PTPRM: variants seen among roughly 807,000 people sequenced by gnomAD.
The protein encoded by PTPRM is receptor-type tyrosine-protein phosphatase mu.
In PTPRM, 47 loss-of-function variants were observed where a neutral mutation model predicts 186.7. The observed-to-expected ratio is 0.25, with a 90% CI of 0.20 to 0.32. The LOEUF is 0.32. Ranked by LOEUF, PTPRM falls within the 10% of genes least tolerant of loss-of-function variation. The pLI, the probability that PTPRM is intolerant of heterozygous loss-of-function variation, is 1.00. For missense variants in PTPRM, 1,494 were observed against 1,865.0 expected (o/e 0.80, Z 3.66); for synonymous variants, 668 against 674.9 (o/e 0.99, Z 0.16).
At chr18:7,737,471 C>T (rs532311040) in intron 1 of PTPRM, among the ~76,000 whole-genome samples, 4 of 152,304 alleles carry the variant, frequency 2.6e-5, no homozygotes, top group Admixed American at 2.0e-4. Context: ...TGTAATCTTC[C>T]GTCTACCTGT....
At chr18:7,898,329 C>T (rs889968523) in intron 3 of PTPRM, among the ~76,000 whole-genome samples, 1 of 152,188 alleles carries the variant, frequency 6.6e-6, no homozygotes, top group African/African-American at 2.4e-5. Flanking sequence ...TCCACCAGCA[C>T]ATTTTCCTTG....
At chr18:8,176,017 T>C (rs963615733) in intron 14 of PTPRM, among the ~76,000 whole-genome samples, 2 of 152,200 alleles carry the variant, frequency 1.3e-5, no homozygotes, top group Admixed American at 1.3e-4. Context: ...TTTTAAGAGT[T>C]AAAGGCTTTG....
chr18:7,991,254 A>G (rs1003785271), intron 7 of PTPRM, among the ~76,000 whole-genome samples: 1 of 152,170 alleles, frequency 6.6e-6, no homozygotes, highest in South Asian at 2.1e-4. Flanking sequence ...ATAATGCAAA[A>G]TAGGGGATGT....
At chr18:8,138,897 C>CAAACTCTT (rs2092699852) in intron 13 of PTPRM, among the ~76,000 whole-genome samples, 2 of 152,118 alleles carry the variant, frequency 1.3e-5, no homozygotes, top group African/African-American at 4.8e-5. Context: ...CTGCTCCGTG[C>CAAACTCTT]GGATGCTCCC....
intron 1 of PTPRM, among the ~76,000 whole-genome samples, chr18:7,614,817 T>C (rs1047088783): frequency 6.6e-6 from 1 of 152,172 alleles, no homozygotes; most frequent in African/African-American, 2.4e-5. Flanking sequence ...GCTTTTTGCA[T>C]GGGCTTAAAG....
At chr18:7,651,969 C>T (rs372217642) in intron 1 of PTPRM, among the ~76,000 whole-genome samples, 3 of 151,980 alleles carry the variant, frequency 2.0e-5, no homozygotes, top group Non-Finnish European at 2.9e-5. Context: ...ACAGGCAACC[C>T]ACAAAATGGG....
At chr18:8,258,114 C>T (rs991800435) in intron 19 of PTPRM, among the ~76,000 whole-genome samples, 2 of 152,180 alleles carry the variant, frequency 1.3e-5, no homozygotes, top group African/African-American at 4.8e-5. Context: ...CAGAAAATGG[C>T]ATGTTGTCAA....
intron 4 of PTPRM, 131 bp downstream of exon 4, chr18:7,906,714 T>C (rs1448776154): frequency 2.8e-6 from 2 of 708,146 alleles, no homozygotes; most frequent in Non-Finnish European, 4.9e-6. Flanking sequence ...GCCTGTATTG[T>C]TGGTTTGCCA....
intron 14 of PTPRM, among the ~76,000 whole-genome samples, chr18:8,154,265 T>C (rs903156263): frequency 2.6e-5 from 4 of 152,192 alleles, no homozygotes; most frequent in Non-Finnish European, 4.4e-5. Context: ...TATTATTAGT[T>C]GTTACTGTCA....
chr18:8,376,501 T>C lies in PTPRM; in HGVS notation c.3366T>C (p.Asp1122=). 1 of 1,614,140 alleles carries C rather than the reference T, an allele frequency of 6.2e-7. No individual in the cohort carries two copies. Among genetic ancestry groups the C allele is most frequent in the South Asian group, 1.1e-5 (1 of 91,076 alleles). Residue 1122 remains aspartate, a synonymous_variant, in exon 26 of 33, where the codon GAT becomes GAC. Coordinates refer to ENST00000580170, the MANE Select transcript of PTPRM (RefSeq NM_001105244.2). ...AGRTGCFIVI[D]IMLDMAEREG... The stretch of plus-strand genomic sequence containing the variant: ...GGACTGGCTGTTTCATCGTCATTGA[T>C]ATCATGTTGGACATGGCCGAAAGGG...
intron 20 of PTPRM, among the ~76,000 whole-genome samples, chr18:8,309,030 G>C (rs1363921252): frequency 6.6e-6 from 1 of 152,146 alleles, no homozygotes; most frequent in Non-Finnish European, 1.5e-5. Context: ...AATGTAGCTT[G>C]TTCATTTTCA....
intron 1 of PTPRM, among the ~76,000 whole-genome samples, chr18:7,613,659 C>T (rs1018538743): frequency 6.7e-6 from 1 of 150,258 alleles, no homozygotes; most frequent in African/African-American, 2.5e-5. Context: ...GGTGACAGAG[C>T]GAGACTCCGT....
intron 14 of PTPRM, among the ~76,000 whole-genome samples, chr18:8,239,179 T>C (rs2094388037): frequency 8.4e-6 from 1 of 119,126 alleles, no homozygotes. Context: ...CAGAGTGTGA[T>C]GTTCCCCTTC....
At chr18:8,164,217 T>C (rs186746896) in intron 14 of PTPRM, among the ~76,000 whole-genome samples, 23 of 152,342 alleles carry the variant, frequency 1.5e-4, no homozygotes, top group Admixed American at 1.4e-3. Flanking sequence ...ATTTGGCAAA[T>C]ACAGTCTGTA....
At chr18:7,651,921 G>C (rs878958782) in intron 1 of PTPRM, among the ~76,000 whole-genome samples, 1 of 151,822 alleles carries the variant, frequency 6.6e-6, no homozygotes, top group African/African-American at 2.4e-5. Context: ...TTAAACTAAA[G>C]AGCTTCTGCA....
At chr18:7,920,686 G>A (rs747742320) in intron 4 of PTPRM, among the ~76,000 whole-genome samples, 12 of 152,244 alleles carry the variant, frequency 7.9e-5, no homozygotes, top group South Asian at 4.1e-4. Context: ...AATATTATCC[G>A]TGGGTTTTAT....
At chr18:7,788,496 C>G (rs1016683469) in intron 2 of PTPRM, among the ~76,000 whole-genome samples, 2 of 152,138 alleles carry the variant, frequency 1.3e-5, no homozygotes, top group Non-Finnish European at 2.9e-5. Flanking sequence ...TATGAGTGAG[C>G]TTATCTAAGT....
chr18:8,250,569 C>T (rs1414769341), intron 17 of PTPRM, among the ~76,000 whole-genome samples: 3 of 151,960 alleles, frequency 2.0e-5, no homozygotes, highest in African/African-American at 4.8e-5. Flanking sequence ...CGCTTGAGGC[C>T]AGGAGTTCAA....
intron 1 of PTPRM, among the ~76,000 whole-genome samples, chr18:7,663,718 A>G (rs2039029317): frequency 6.6e-6 from 1 of 152,030 alleles, no homozygotes; most frequent in African/African-American, 2.4e-5. Context: ...GAAATAGAAA[A>G]CATTTTTCCT....
Sources: gnomAD v4.1 joint callset for allele counts (sites outside exome capture counted in the v4.1 genomes callset) on GRCh38, gnomAD v4.1.1 for gene constraint, MANE v1.5 for transcripts, NCBI Gene and HGNC (gene_info 2026-07-23, HGNC 2026-07-21) for gene names.